STIM2: variants seen among roughly 807,000 people sequenced by gnomAD.
The protein encoded by STIM2 is stromal interaction molecule 2.
Under a neutral mutation model 85.8 loss-of-function variants are expected in STIM2, and 31 were observed. That is an observed-to-expected ratio of 0.36 (90% CI 0.27 to 0.49). The LOEUF (loss-of-function observed/expected upper bound fraction) is 0.49. STIM2 is among the 20% of genes least tolerant of loss of function. STIM2 has a pLI of 0.98. For missense variants in STIM2, 841 were observed against 927.6 expected, an observed-to-expected ratio of 0.91 and a Z score of 1.21; for synonymous variants, 356 against 331.1, an observed-to-expected ratio of 1.08 and a Z score of -0.82.
intron 2 of STIM2, among the ~76,000 whole-genome samples, chr4:26,940,640 A>C (rs1037623301): frequency 6.6e-6 from 1 of 152,030 alleles, no homozygotes; most frequent in Non-Finnish European, 1.5e-5. Context: ...CTCTGAGTTG[A>C]GTTTTATTAT....
intron 11 of STIM2, chr4:27,019,465 C>G (rs987728761): frequency 1.6e-6 from 2 of 1,289,652 alleles, no homozygotes; most frequent in African/African-American, 1.5e-5. Flanking sequence ...TTCTGGAAAT[C>G]AGAAGGAAAA....
At chr4:26,915,427 G>C (rs1724501012) in intron 1 of STIM2, among the ~76,000 whole-genome samples, 2 of 152,022 alleles carry the variant, frequency 1.3e-5, no homozygotes, top group Non-Finnish European at 2.9e-5. Flanking sequence ...TAGGGATAGG[G>C]TTTTGCCATG....
intron 4 of STIM2, among the ~76,000 whole-genome samples, chr4:26,998,911 C>CA (rs11374270): frequency 0.46 from 67,664 of 147,214 alleles, 16,040 homozygotes; most frequent in Middle Eastern, 0.66. Flanking sequence ...GACTCTGTCT[C>CA]AAAAAAAAAA....
chr4:27,008,324 T>C (rs1008840005), intron 8 of STIM2, 104 bp from the exon 9 acceptor site: 3 of 602,066 alleles, frequency 5.0e-6, no homozygotes, highest in African/African-American at 3.9e-5. Flanking sequence ...GGTTTTATGA[T>C]TGCTAATATA....
chr4:27,011,978 G>A (rs1402377342), intron 10 of STIM2, among the ~76,000 whole-genome samples: 1 of 151,874 alleles, frequency 6.6e-6, no homozygotes, highest in Non-Finnish European at 1.5e-5. Context: ...TAATCCATTA[G>A]CCCTTTAATC....
At chr4:26,927,963 A>T (rs1159520731) in intron 2 of STIM2, among the ~76,000 whole-genome samples, 1 of 151,080 alleles carries the variant, frequency 6.6e-6, no homozygotes, top group African/African-American at 2.4e-5. Context: ...ATCTATAATG[A>T]ACAGAAATTT....
intron 1 of STIM2, among the ~76,000 whole-genome samples, chr4:26,865,788 G>C (rs987459621): frequency 3.3e-5 from 5 of 151,904 alleles, no homozygotes; most frequent in Non-Finnish European, 7.4e-5. Context: ...TAATTATTAA[G>C]TACAAGCAGC....
chr4:26,942,098 A>T (rs912400972), intron 2 of STIM2, among the ~76,000 whole-genome samples: 6 of 152,144 alleles, frequency 3.9e-5, no homozygotes, highest in Non-Finnish European at 8.8e-5. Context: ...CTAACTGTAG[A>T]TGTTACGATT....
chr4:26,869,484 A>G (rs964133520), intron 1 of STIM2, among the ~76,000 whole-genome samples: 8 of 152,068 alleles, frequency 5.3e-5, no homozygotes, highest in African/African-American at 1.9e-4. Flanking sequence ...GGTATGAGTA[A>G]CTGGAAATAT....
intron 1 of STIM2, among the ~76,000 whole-genome samples, chr4:26,883,879 G>A (rs992821678): frequency 7.9e-5 from 12 of 152,124 alleles, no homozygotes; most frequent in Admixed American, 6.5e-5. Flanking sequence ...GATGGTGATA[G>A]CTTATTTTCA....
At chr4:26,968,961 T>C (rs1726831457) in intron 3 of STIM2, among the ~76,000 whole-genome samples, 1 of 152,196 alleles carries the variant, frequency 6.6e-6, no homozygotes, top group Admixed American at 6.5e-5. Context: ...GTGTTAGTGG[T>C]AGTCTTATTA....
At chr4:26,877,909 T>G (rs1722869125) in intron 1 of STIM2, among the ~76,000 whole-genome samples, 1 of 152,188 alleles carries the variant, frequency 6.6e-6, no homozygotes, top group Admixed American at 6.5e-5. Context: ...TTATAAAATA[T>G]AGGGCAAGCA....
chr4:26,952,287 T>A (rs530626059), intron 2 of STIM2, among the ~76,000 whole-genome samples: 49 of 152,236 alleles, frequency 3.2e-4, no homozygotes, highest in African/African-American at 1.2e-3. Context: ...GAGTTTCAGT[T>A]AAGATTTGGT....
intron 11 of STIM2, among the ~76,000 whole-genome samples, chr4:27,020,026 C>G (rs532491944): frequency 2.0e-5 from 3 of 152,166 alleles, no homozygotes; most frequent in Non-Finnish European, 4.4e-5. Flanking sequence ...AATTTTCTTA[C>G]TTTAACAGAT....
At chr4:26,973,800 C>A (rs2109106853) in intron 3 of STIM2, among the ~76,000 whole-genome samples, 2 of 152,204 alleles carry the variant, frequency 1.3e-5, no homozygotes, top group Middle Eastern at 6.8e-3. Flanking sequence ...CCTTGTTAAC[C>A]TTCTGTCTTG....
At chr4:26,975,125 G>C (rs1370002976) in intron 3 of STIM2, among the ~76,000 whole-genome samples, 1 of 152,058 alleles carries the variant, frequency 6.6e-6, no homozygotes, top group Non-Finnish European at 1.5e-5. Context: ...GTTTATTCTA[G>C]TTAGCCATTC....
At chr4:27,011,896 T>C (rs1728569703) in intron 10 of STIM2, among the ~76,000 whole-genome samples, 1 of 152,170 alleles carries the variant, frequency 6.6e-6, no homozygotes, top group Admixed American at 6.5e-5. Context: ...GAATCTGATT[T>C]GTGTTTTTTA....
chr4:26,971,442 A>G (rs948427062), intron 3 of STIM2, among the ~76,000 whole-genome samples: 23 of 152,228 alleles, frequency 1.5e-4, no homozygotes, highest in African/African-American at 5.5e-4. Context: ...GAAGGGATCC[A>G]GTTTCAGCTT....
At position 26,913,521 on chromosome 4, in the gene STIM2, T is replaced by G. The variant is rs930842524; in HGVS notation, c.152-5983T>G. ...TATGACAGTGAATAGAATTTATACT[T>G]TAGGCCTGGGGAATACTGAATAGTT... On this transcript the variant is annotated intron_variant, in intron 1 of 11. Coordinates refer to ENST00000467087, the MANE Select transcript of STIM2 (RefSeq NM_020860.4). Among the ~76,000 whole-genome samples, 10 of 152,288 alleles carry G rather than the reference T, an allele frequency of 6.6e-5. No homozygotes were observed. The East Asian group carries it at 1.9e-3, about 29-fold the overall frequency.
Sources: allele counts gnomAD v4.1 joint callset (sites outside exome capture counted in the v4.1 genomes callset), GRCh38; gene constraint gnomAD v4.1.1; transcripts MANE v1.5; gene names NCBI Gene and HGNC (gene_info 2026-07-23, HGNC 2026-07-21).